Variants in KIRREL3 observed in about 807,000 individuals in gnomAD.
KIRREL3 encodes kirre like nephrin family adhesion molecule 3.
In KIRREL3, 36 loss-of-function variants were observed where a neutral mutation model predicts 89.7. The ratio of observed to expected loss-of-function variants is 0.40; its 90% CI spans 0.31 to 0.53. The LOEUF is 0.53. Ranked by LOEUF, KIRREL3 falls within the 20% of genes least tolerant of loss-of-function variation. The pLI, the probability that KIRREL3 is intolerant of heterozygous loss-of-function variation, is 0.49. For missense variants in KIRREL3, 864 were observed against 1,056.6 expected (o/e 0.82, Z 2.53); for synonymous variants, 445 against 441.4 (o/e 1.01, Z -0.10).
At position 126,685,964 on chromosome 11, in the gene KIRREL3, C is replaced by T. The variant is rs1019115676; in HGVS notation, c.56-123052G>A. 4.6e-5 allele frequency among the ~76,000 whole-genome samples: 7 copies of T among 152,252 alleles called. No individual in the cohort carries two copies. Among genetic ancestry groups the T allele is most frequent in the Non-Finnish European group, 8.8e-5 (6 of 68,048 alleles). On this transcript the variant is annotated intron_variant, in intron 1 of 16. Transcript: ENST00000525144. This position sits in a 1 kb window ranked among gnomAD's most constrained non-coding sequence, Gnocchi z 5.5. ...GTGCACAGCTTACTCCTTTGCTCCA[C>T]CCGGCTCTGCCTCTGTTCCCTTCAC...
chr11:126,681,915 G>C (rs1163884180), intron 1 of KIRREL3: 1 of 454,712 alleles, frequency 2.2e-6, no homozygotes, highest in South Asian at 1.6e-5. Flanking sequence ...TCATGCAACA[G>C]AAAGATTTTT....
In KIRREL3 at chr11:126,698,703, T is replaced by C. The variant is rs74569874; in HGVS notation, c.56-135791A>G. Among the ~76,000 whole-genome samples, 931 of 152,308 alleles carry C rather than the reference T, an allele frequency of 6.1e-3. 9 individuals are homozygous for C. The highest frequency in any genetic ancestry group is 0.027 in the South Asian group (128 of 4,824). The stretch of plus-strand genomic sequence containing the variant: ...TGGTGGGGGAGTGTCTGTGGCCATG[T>C]ATTAGCTCAGCTCAGCTGGCCTGAG... On this transcript the variant is annotated intron_variant, in intron 1 of 16. Coordinates refer to ENST00000525144, the MANE Select transcript of KIRREL3 (RefSeq NM_032531.4).
At chr11:126,789,601 A>G (rs1592131497) in intron 1 of KIRREL3, among the ~76,000 whole-genome samples, 1 of 152,106 alleles carries the variant, frequency 6.6e-6, no homozygotes, top group African/African-American at 2.4e-5. Flanking sequence ...CCTTGTTAAG[A>G]CCCTTGCCAG....
Position 126,565,721 on chromosome 11 carries a change from G to T in KIRREL3, c.56-2809C>A, listed in dbSNP as rs903534297. Among the ~76,000 whole-genome samples the T allele has an allele frequency of 3.9e-5, 6 of 152,126 alleles. No individual in the cohort carries two copies. ...TTGCAAAGCTAAATTAAAGGTCATT[G>T]GGTTCACATGAGTGTGCCAGCAGGG... On this transcript the variant is annotated intron_variant, in intron 1 of 16. Transcript: ENST00000525144. This position sits in a 1 kb window ranked among gnomAD's most constrained non-coding sequence, Gnocchi z 5.4.
intron 7 of KIRREL3, among the ~76,000 whole-genome samples, chr11:126,450,785 CTG>C (rs1000225926): frequency 1.2e-4 from 15 of 130,064 alleles, no homozygotes; most frequent in African/African-American, 3.2e-4. Context: ...GGGTGTGCAT[CTG>C]TGCATGTGTG....
chr11:126,546,148 G>A (rs542165766), intron 2 of KIRREL3, among the ~76,000 whole-genome samples: 4 of 152,318 alleles, frequency 2.6e-5, no homozygotes, highest in South Asian at 2.1e-4. Flanking sequence ...CATAGTAGAT[G>A]TTCAATAAAT....
At chr11:126,503,813 C>T (rs1289968201) in intron 4 of KIRREL3, among the ~76,000 whole-genome samples, 1 of 150,826 alleles carries the variant, frequency 6.6e-6, no homozygotes, top group Non-Finnish European at 1.5e-5. Context: ...GTCTCTCTCT[C>T]TCCTTCCTTC....
At position 126,609,627 on chromosome 11, in the gene KIRREL3, A is replaced by G. The variant is rs192882345; in HGVS notation, c.56-46715T>C. Among the ~76,000 whole-genome samples the G allele has an allele frequency of 2.6e-5, 4 of 152,274 alleles. No homozygotes were observed. The highest frequency in any genetic ancestry group is 9.6e-5 in the African/African-American group (4 of 41,550). ...TCCGATGCATGCTCACTTGTATAAA[A>G]TCTAACTGGAACTGGGATCGTGTTC... On this transcript the variant is annotated intron_variant, in intron 1 of 16. Transcript: ENST00000525144. This position sits in a 1 kb window ranked among gnomAD's most constrained non-coding sequence, Gnocchi z 5.0.
Position 126,761,767 on chromosome 11 carries a change from A to C in KIRREL3, c.56-198855T>G, listed in dbSNP as rs1949672361. On this transcript the variant is annotated intron_variant, in intron 1 of 16. Transcript: ENST00000525144. This position sits in a 1 kb window ranked among gnomAD's most constrained non-coding sequence, Gnocchi z 4.4. ...CTAGAGAAGAGTTATGAGCTGCACTAGTTTGTCTTGGTTTTATCTTCATTC... is the reference window on the plus strand; with the variant it reads ...CTAGAGAAGAGTTATGAGCTGCACTCGTTTGTCTTGGTTTTATCTTCATTC... Among the ~76,000 whole-genome samples the C allele has an allele frequency of 6.6e-6, 1 of 152,156 alleles. No homozygotes were observed. The highest frequency in any genetic ancestry group is 6.5e-5 in the Admixed American group (1 of 15,268).
intron 1 of KIRREL3, among the ~76,000 whole-genome samples, chr11:126,881,003 C>A (rs1286955765): frequency 1.3e-5 from 2 of 152,192 alleles, no homozygotes; most frequent in African/African-American, 4.8e-5. Context: ...AACATAATAA[C>A]AGGCTGTATG....
chr11:126,771,255 GT>G lies in KIRREL3; in HGVS notation c.56-208344del, dbSNP rs11387162. ...AGGAAGGGAATTTTATTCCCTTACT[GT>G]TTTTTTTTTTAAACAGATGAGGAAA... is the stretch of plus-strand genomic sequence containing the variant. On this transcript the variant is annotated intron_variant, in intron 1 of 16. Coordinates refer to ENST00000525144, the MANE Select transcript of KIRREL3 (RefSeq NM_032531.4). The surrounding 1 kb of genome is among the most constrained non-coding windows in gnomAD (Gnocchi z 4.4). Among the ~76,000 whole-genome samples the G allele has an allele frequency of 1.0e-3, 148 of 147,660 alleles. 1 individual carries two copies. The highest frequency in any genetic ancestry group is 2.5e-3 in the African/African-American group (101 of 40,466).
chr11:126,451,087 GC>G (rs1956097114), intron 7 of KIRREL3, among the ~76,000 whole-genome samples: 1 of 147,266 alleles, frequency 6.8e-6, no homozygotes, highest in African/African-American at 2.5e-5. Flanking sequence ...GTGCGTGTGT[GC>G]ATATGTGTCC....
chr11:126,653,317 T>C lies in KIRREL3; in HGVS notation c.56-90405A>G, dbSNP rs1591884309. 6.6e-6 allele frequency among the ~76,000 whole-genome samples: 1 copy of C among 151,916 alleles called. No homozygotes were observed. Among genetic ancestry groups the C allele is most frequent in the Non-Finnish European group, 1.5e-5 (1 of 67,986 alleles). On this transcript the variant is annotated intron_variant, in intron 1 of 16. Coordinates refer to ENST00000525144, the MANE Select transcript of KIRREL3 (RefSeq NM_032531.4). This position sits in a 1 kb window ranked among gnomAD's most constrained non-coding sequence, Gnocchi z 5.4. ...CAGTGAAGGATGGGCAGACTTGGGG[T>C]GGCAGAAGAGGCACCAGCTGGACCC...
rs895183219 is a variant in KIRREL3 at position 126,985,460 on chromosome 11, G to A, written c.55+14995C>T. On this transcript the variant is annotated intron_variant, in intron 1 of 16. Transcript: ENST00000525144. This position sits in a 1 kb window ranked among gnomAD's most constrained non-coding sequence, Gnocchi z 5.3. ...GCCACAAAAGGCTTCCTGGGGCGCT[G>A]TGGAATAAGGAAGGAAGGGCATTTA... Among the ~76,000 whole-genome samples, 5 of 152,170 alleles carry A rather than the reference G, an allele frequency of 3.3e-5. No homozygotes were observed. The highest frequency in any genetic ancestry group is 7.4e-5 in the Non-Finnish European group (5 of 68,026).
intron 2 of KIRREL3, among the ~76,000 whole-genome samples, chr11:126,548,078 T>A (rs1938958511): frequency 6.6e-6 from 1 of 152,170 alleles, no homozygotes; most frequent in African/African-American, 2.4e-5. Flanking sequence ...GCTCCATCTC[T>A]CTTCCCCTGC....
Position 126,782,140 on chromosome 11 carries a change from G to A in KIRREL3, c.55+218315C>T, listed in dbSNP as rs1202182222. Reference sequence around the variant, plus strand: ...CATTGCTCAGCCTTCCTAGGAATTAGGTTCAGGCCTGAGACTTAAAAGAGT... The same window carrying A: ...CATTGCTCAGCCTTCCTAGGAATTAAGTTCAGGCCTGAGACTTAAAAGAGT... On this transcript the variant is annotated intron_variant, in intron 1 of 16. Coordinates refer to ENST00000525144, the MANE Select transcript of KIRREL3 (RefSeq NM_032531.4). The surrounding 1 kb of genome is among the most constrained non-coding windows in gnomAD (Gnocchi z 4.1). Among the ~76,000 whole-genome samples, 3 of 152,166 alleles carry A rather than the reference G, an allele frequency of 2.0e-5. No individual in the cohort carries two copies. Among genetic ancestry groups the A allele is most frequent in the Non-Finnish European group, 4.4e-5 (3 of 68,040 alleles).
At chr11:126,518,568 C>G (rs572839389) in intron 4 of KIRREL3, among the ~76,000 whole-genome samples, 1 of 152,390 alleles carries the variant, frequency 6.6e-6, no homozygotes, top group Admixed American at 6.5e-5. Context: ...CTCTCTCATT[C>G]CTGGAACACA....
rs1410390009 is a variant in KIRREL3 at position 126,456,363 on chromosome 11, A to G, written c.834T>C (p.Ala278=). Residue 278 remains alanine (A), a synonymous_variant, in exon 7 of 17, where the codon GCT becomes GCC. Transcript: ENST00000525144. ...GTGACTCTCACCTGTACTGGGTGAC[A>G]GCTGGGTTGGCCTTTGCAGAGCAGT... is the stretch of plus-strand genomic sequence containing the variant. The part of the protein sequence containing the change: ...TFHCSAKANP[A]VTQYRWAKRG... The G allele has an allele frequency of 3.2e-6, 5 of 1,586,062 alleles. No homozygotes were observed. The highest frequency in any genetic ancestry group is 3.3e-4 in the Middle Eastern group (2 of 6,042).
chr11:126,572,662 G>C (rs1057099862), intron 1 of KIRREL3, among the ~76,000 whole-genome samples: 1 of 152,176 alleles, frequency 6.6e-6, no homozygotes, highest in Non-Finnish European at 1.5e-5. Context: ...GTGGGAGTGA[G>C]GCTCCTGGAG....
Sources: allele counts gnomAD v4.1 joint callset (sites outside exome capture counted in the v4.1 genomes callset), GRCh38; gene constraint gnomAD v4.1.1; non-coding constraint Gnocchi (gnomAD v3.1); transcripts MANE v1.5; gene names NCBI Gene and HGNC (gene_info 2026-07-23, HGNC 2026-07-21).